Variants in RRP1B observed in about 807,000 individuals in gnomAD.
The protein encoded by RRP1B is ribosomal RNA processing protein 1 homolog B.
In RRP1B, 56 loss-of-function variants were observed where a neutral mutation model predicts 80.2. That is an observed-to-expected ratio of 0.70 (90% CI 0.56 to 0.87). The LOEUF (loss-of-function observed/expected upper bound fraction) is 0.87. RRP1B is among the 40% of genes least tolerant of loss of function. The pLI is 0.00. For synonymous variants in RRP1B, 351 were observed against 357.6 expected, an observed-to-expected ratio of 0.98 and a Z score of 0.21; for missense variants, 807 against 939.8, an observed-to-expected ratio of 0.86 and a Z score of 1.85.
chr21:43,679,223 T>C (rs927425528), intron 8 of RRP1B, among the ~76,000 whole-genome samples: 1 of 149,378 alleles, frequency 6.7e-6, no homozygotes, highest in African/African-American at 2.6e-5. Flanking sequence ...TTTGTTTTTT[T>C]GTGTGTCTTT....
At chr21:43,665,353 A>C in intron 1 of RRP1B, among the ~76,000 whole-genome samples, 1 of 151,718 alleles carries the variant, frequency 6.6e-6, no homozygotes, top group East Asian at 1.9e-4. Flanking sequence ...CTGGAAAGAT[A>C]CACATCAGAC....
chr21:43,685,835 T>C, intron 11 of RRP1B, 46 bp downstream of exon 11: 7 of 1,577,298 alleles, frequency 4.4e-6, no homozygotes, highest in Non-Finnish European at 6.0e-6. Flanking sequence ...TTCGTGAATA[T>C]GGACCCCACT....
intron 1 of RRP1B, among the ~76,000 whole-genome samples, chr21:43,663,502 G>A (rs934822172): frequency 2.6e-5 from 4 of 151,616 alleles, no homozygotes; most frequent in African/African-American, 4.9e-5. Context: ...TGATCCGCCC[G>A]CCTAGGCCTC....
intron 13 of RRP1B, among the ~76,000 whole-genome samples, chr21:43,689,150 CAG>C (rs1257639075): frequency 6.6e-6 from 1 of 152,252 alleles, no homozygotes; most frequent in Non-Finnish European, 1.5e-5. Flanking sequence ...GTCACTGCAA[CAG>C]AGCCACATCC....
At chr21:43,668,124 G>A (rs935107700) in intron 1 of RRP1B, among the ~76,000 whole-genome samples, 4 of 151,342 alleles carry the variant, frequency 2.6e-5, no homozygotes, top group Admixed American at 2.0e-4. Flanking sequence ...CAGGAGAATC[G>A]CTTGAACCCA....
intron 1 of RRP1B, 25 bp from the exon 2 acceptor site, chr21:43,669,859 A>T: frequency 6.4e-7 from 1 of 1,553,222 alleles, no homozygotes; most frequent in Non-Finnish European, 8.9e-7. Context: ...AGACTCTAAG[A>T]TGTTTGTATT....
Position 43,693,353 on chromosome 21 carries a change from G to A in RRP1B, c.2247G>A (p.Arg749=), listed in dbSNP as rs138601208. Reference sequence around the variant, plus strand: ...AGAAGCCCCTGACCACCACACCAAGGAGAAGGCCCAGGGCTATGGATTTCT... The same window carrying A: ...AGAAGCCCCTGACCACCACACCAAGAAGAAGGCCCAGGGCTATGGATTTCT... ...VAKKPLTTTP[R]RRPRAMDFF is the part of the protein sequence containing the mutation. Residue 749 remains arginine (R), a synonymous_variant, in exon 16 of 16, where the codon AGG becomes AGA. Transcript: ENST00000340648. This position sits in a 1 kb window ranked among gnomAD's most constrained non-coding sequence, Gnocchi z 4.1. The A allele has an allele frequency of 1.4e-5, 22 of 1,601,704 alleles. No individual in the cohort carries two copies. The Admixed American group carries it at 2.6e-4, about 19-fold the overall frequency.
At chr21:43,684,479 T>C (rs1469171794) in intron 9 of RRP1B, 74 bp from the exon 10 acceptor site, 2 of 1,266,646 alleles carry the variant, frequency 1.6e-6, no homozygotes, top group Non-Finnish European at 2.3e-6. Flanking sequence ...TTTCTCTTAC[T>C]AGCAGATGTA....
chr21:43,674,720 C>G (rs749443808), intron 5 of RRP1B, 23 bp downstream of exon 5: 1 of 1,582,418 alleles, frequency 6.3e-7, no homozygotes, highest in Non-Finnish European at 8.6e-7. Context: ...TTTGAGTTAG[C>G]ATGTGGTAGC....
rs924632253 is a variant in RRP1B at position 43,659,607 on chromosome 21, C to T, written c.-58C>T. 7.3e-7 allele frequency: 1 copy of T among 1,370,788 alleles called. No homozygotes were observed. Among genetic ancestry groups the T allele is most frequent in the South Asian group, 1.7e-5 (1 of 58,712 alleles). 84.9% of individuals were successfully genotyped at this position (1,370,788 alleles called of 1,614,324 possible). A position where few individuals can be genotyped will look rare whatever the true frequency, so the allele number is the denominator to read the frequency against. ...GACGGTGGCTGGCTGCTCCGCAGCGCTCGGCTGGCTGCAGCGGCACCGCGG... is the reference window on the plus strand; with the variant it reads ...GACGGTGGCTGGCTGCTCCGCAGCGTTCGGCTGGCTGCAGCGGCACCGCGG... On this transcript the variant is annotated 5_prime_UTR_variant, in exon 1 of 16. Coordinates refer to ENST00000340648, the MANE Select transcript of RRP1B (RefSeq NM_015056.3). The surrounding 1 kb of genome is among the most constrained non-coding windows in gnomAD (Gnocchi z 4.2).
At chr21:43,662,398 T>C (rs2147158428) in intron 1 of RRP1B, among the ~76,000 whole-genome samples, 1 of 152,344 alleles carries the variant, frequency 6.6e-6, no homozygotes, top group Admixed American at 6.5e-5. Flanking sequence ...ACAGTGATAA[T>C]GGGACAAGAA....
In RRP1B at chr21:43,693,381, T is replaced by G. The variant is rs777199889; in HGVS notation, c.2275T>G (p.Ter759GlyextTer29). The G allele has an allele frequency of 6.4e-7, 1 of 1,567,398 alleles. No individual in the cohort carries two copies. Among genetic ancestry groups the G allele is most frequent in the East Asian group, 2.3e-5 (1 of 43,362 alleles). The change falls in exon 16 of 16, where the codon TGA (stop) becomes GGA (glycine). Residue 759 changes from the stop codon to glycine (G), a stop_lost. Transcript: ENST00000340648. This position sits in a 1 kb window ranked among gnomAD's most constrained non-coding sequence, Gnocchi z 4.1. ...AAGGCCCAGGGCTATGGATTTCTTC[T>G]GAGGAGCAGCAGAGTCCCTTGTAAA... Reference protein sequence around the residue: ...RRRPRAMDFF* With the variant: ...RRRPRAMDFFG
At chr21:43,686,730 G>A (rs895643985) in intron 11 of RRP1B, 74 bp from the exon 12 acceptor site, 3 of 1,563,960 alleles carry the variant, frequency 1.9e-6, no homozygotes, top group African/African-American at 1.4e-5. Flanking sequence ...ATTGGGAGGG[G>A]TGCTGCTCTT....
chr21:43,662,510 T>G (rs1269387382), intron 1 of RRP1B, among the ~76,000 whole-genome samples: 5 of 152,280 alleles, frequency 3.3e-5, no homozygotes, highest in Admixed American at 1.3e-4. Context: ...CTCCAACTTT[T>G]CTGCATCTTG....
intron 5 of RRP1B, 36 bp downstream of exon 5, chr21:43,674,733 T>C: frequency 1.3e-6 from 2 of 1,549,862 alleles, no homozygotes; most frequent in Admixed American, 2.0e-5. Context: ...GTGGTAGCCT[T>C]AAAACTTAAA....
At chr21:43,667,162 C>T (rs1223293323) in intron 1 of RRP1B, among the ~76,000 whole-genome samples, 5 of 152,088 alleles carry the variant, frequency 3.3e-5, no homozygotes, top group Admixed American at 6.6e-5. Context: ...AATGATCGGT[C>T]GGTGGGTTTG....
chr21:43,688,283 T>TC, intron 13 of RRP1B, 43 bp downstream of exon 13: 1 of 1,482,146 alleles, frequency 6.7e-7, no homozygotes, highest in Non-Finnish European at 9.0e-7. Flanking sequence ...ACAGAGGCAC[T>TC]CACTCGCGTC....
At position 43,688,010 on chromosome 21, in the gene RRP1B, C is replaced by A. The variant is rs1212207219; in HGVS notation, c.1636C>A (p.Gln546Lys). The change falls in exon 13 of 16, where the codon CAG becomes AAG. Residue 546 changes from glutamine (Q) to lysine (K), a missense_variant. By Grantham distance (53) the Gln-to-Lys change is moderately conservative (BLOSUM62 1). Transcript: ENST00000340648. ...GLSTPAWPPL[Q>K]QEGPPTGPAE... ...GTCCACGCCGGCCTGGCCTCCATTGCAGCAGGAAGGCCCTCCCACAGGCCC... is the reference window on the plus strand; with the variant it reads ...GTCCACGCCGGCCTGGCCTCCATTGAAGCAGGAAGGCCCTCCCACAGGCCC... The A allele has an allele frequency of 5.0e-6, 8 of 1,612,298 alleles. No homozygotes were observed. In the Admixed American group the frequency reaches 1.3e-4, roughly 27 times the overall value.
chr21:43,678,698 G>A (rs1016492237), intron 8 of RRP1B, among the ~76,000 whole-genome samples: 2 of 152,050 alleles, frequency 1.3e-5, no homozygotes, highest in Non-Finnish European at 2.9e-5. Context: ...TGCATAATTG[G>A]CAAATCTTTT....
Sources: gnomAD v4.1 joint callset for allele counts (sites outside exome capture counted in the v4.1 genomes callset) on GRCh38, gnomAD v4.1.1 for gene constraint, Gnocchi (gnomAD v3.1) non-coding constraint, MANE v1.5 for transcripts, NCBI Gene and HGNC (gene_info 2026-07-23, HGNC 2026-07-21) for gene names.